Variants in SNRPE observed in about 807,000 individuals in gnomAD.
SNRPE encodes the protein small nuclear ribonucleoprotein polypeptide E.
For synonymous variants in SNRPE, 35 were observed against 36.7 expected, an observed-to-expected ratio of 0.95 and a Z score of 0.17; for missense variants, 53 against 111.6, an observed-to-expected ratio of 0.48 and a Z score of 2.36.
intron 4 of SNRPE, among the ~76,000 whole-genome samples, chr1:203,867,279 CAAAAAA>C (rs200904781): frequency 0.78 from 111,841 of 142,668 alleles, 42,480 homozygotes; most frequent in East Asian, 0.82. Flanking sequence ...GACTCTGTCT[CAAAAAA>C]AAAAAAAAAA....
At chr1:203,867,157 G>A (rs928724362) in intron 4 of SNRPE, among the ~76,000 whole-genome samples, 10 of 150,586 alleles carry the variant, frequency 6.6e-5, no homozygotes, top group African/African-American at 2.2e-4. Context: ...GCGGGTGCCT[G>A]TAGTTCCAGC....
intron 2 of SNRPE, 48 bp from the exon 3 acceptor site, chr1:203,863,615 G>A (rs541898407): frequency 4.2e-6 from 6 of 1,413,454 alleles, no homozygotes; most frequent in Admixed American, 3.4e-5. Flanking sequence ...CACCGCGCCC[G>A]GCCCTATTTT....
intron 4 of SNRPE, among the ~76,000 whole-genome samples, chr1:203,867,108 A>G (rs1392376580): frequency 7.2e-4 from 35 of 48,876 alleles, no homozygotes; most frequent in Middle Eastern, 0.01. Context: ...GTCTTTCCTG[A>G]AAAAAAAAAA....
intron 3 of SNRPE, 107 bp from the exon 4 acceptor site, chr1:203,864,934 G>A: frequency 1.0e-6 from 1 of 983,448 alleles, no homozygotes. Flanking sequence ...GGCTTGAGAA[G>A]AGTGAATCTT....
In SNRPE at chr1:203,862,016, G is replaced by A. The variant is rs1689987783; in HGVS notation, c.55-180G>A. 3.2e-6 allele frequency: 2 copies of A among 625,442 alleles called. 1 individual carries two copies. Among genetic ancestry groups the A allele is most frequent in the Non-Finnish European group, 5.8e-6 (2 of 345,332 alleles). The allele number at this position is 625,442 out of a possible 1,614,324, so 38.7% of individuals were successfully genotyped here. A position where few individuals can be genotyped will look rare whatever the true frequency, so the allele number is the denominator to read the frequency against. On this transcript the variant is annotated intron_variant, in intron 1 of 4. Transcript: ENST00000414487. ...AACTCCAGGGGGATGAAAGTGGAAT[G>A]GATGTTCTTTAGTCTTTAGAAGACC...
In SNRPE at chr1:203,870,731, C is replaced by T. The variant is rs1690198912; in HGVS notation, c.*799C>T. 6.6e-6 allele frequency among the ~76,000 whole-genome samples: 1 copy of T among 152,188 alleles called. No homozygotes were observed. The highest frequency in any genetic ancestry group is 2.1e-4 in the South Asian group (1 of 4,832). The stretch of plus-strand genomic sequence containing the variant: ...GGACAGGTTTCCCTTCCCCCAGTAT[C>T]GCACATGGTTCTAGTTAGAATCCTG... On this transcript the variant is annotated 3_prime_UTR_variant, in exon 5 of 5. Transcript: ENST00000414487.
chr1:203,868,448 C>T (rs1056627132), intron 4 of SNRPE, among the ~76,000 whole-genome samples: 5 of 152,136 alleles, frequency 3.3e-5, no homozygotes, highest in East Asian at 1.9e-4. Context: ...ATCCCATTCA[C>T]TTGAGGTTTA....
intron 4 of SNRPE, among the ~76,000 whole-genome samples, chr1:203,866,502 A>G (rs1690090792): frequency 6.6e-6 from 1 of 152,178 alleles, no homozygotes; most frequent in Non-Finnish European, 1.5e-5. Context: ...CACCATTTCT[A>G]CTTGAATGTT....
chr1:203,867,279 CAAAAA>C lies in SNRPE; in HGVS notation c.223+2173_223+2177del, dbSNP rs200904781. The stretch of plus-strand genomic sequence containing the variant: ...TGGGCGACACAGCGAGACTCTGTCT[CAAAAA>C]AAAAAAAAAAAACAGTGGTCCCCAA... On this transcript the variant is annotated intron_variant, in intron 4 of 4. Transcript: ENST00000414487. 4.9e-4 allele frequency among the ~76,000 whole-genome samples: 70 copies of C among 142,646 alleles called. No homozygotes were observed. The East Asian group carries it at 6.4e-3, about 13-fold the overall frequency. 93.6% of individuals were successfully genotyped at this position (142,646 alleles called of 152,430 possible).
chr1:203,863,848 G>T, intron 3 of SNRPE, 123 bp downstream of exon 3: 1 of 658,088 alleles, frequency 1.5e-6, no homozygotes, highest in Non-Finnish European at 2.7e-6. Context: ...TTTTTCAGGT[G>T]CTGCTGTTTA....
chr1:203,863,704 G>A lies in SNRPE; in HGVS notation c.123G>A (p.Met41Ile), dbSNP rs377146589. Residue 41 changes from methionine (M) to isoleucine (I), a missense_variant, in exon 3 of 5, where the codon ATG (methionine) becomes ATA (isoleucine). Coordinates refer to ENST00000414487, the MANE Select transcript of SNRPE (RefSeq NM_003094.4). ...TGTGGCTCTATGAGCAAGTGAATAT[G>A]CGGATAGAAGGCTGTATCATTGTGA... ...IQVWLYEQVN[M>I]RIEGCIIGFD... 2.0e-5 allele frequency: 32 copies of A among 1,605,110 alleles called. No homozygotes were observed. The African/African-American group carries it at 3.9e-4, about 19-fold the overall frequency.
At position 203,869,390 on chromosome 1, in the gene SNRPE, T is replaced by G. The variant is rs1015973028; in HGVS notation, c.224-487T>G. ...GGTGCCATCTTGGCTCACTGCAACC[T>G]CCGCCTCCCGGATTCAAGCAATTCT... On this transcript the variant is annotated intron_variant, in intron 4 of 4. Transcript: ENST00000414487. 1.2e-4 allele frequency among the ~76,000 whole-genome samples: 16 copies of G among 137,072 alleles called. 1 individual carries two copies. The highest frequency in any genetic ancestry group is 3.2e-4 in the African/African-American group (12 of 37,184). 89.9% of individuals were successfully genotyped at this position (137,072 alleles called of 152,430 possible). A position where few individuals can be genotyped will look rare whatever the true frequency, so the allele number is the denominator to read the frequency against.
intron 4 of SNRPE, among the ~76,000 whole-genome samples, chr1:203,868,962 C>G (rs114688037): frequency 6.6e-6 from 1 of 152,232 alleles, no homozygotes; most frequent in Admixed American, 6.5e-5. Flanking sequence ...AGCCACCATA[C>G]CCAGCCGGGT....
chr1:203,863,734 C>G lies in SNRPE; in HGVS notation c.144+9C>G, dbSNP rs981047542. ...TAGAAGGCTGTATCATTGTGAGTAT[C>G]CAGGCGATTTCATCTCATAGCAGTT... On this transcript the variant is annotated intron_variant, in intron 3 of 4. Coordinates refer to ENST00000414487, the MANE Select transcript of SNRPE (RefSeq NM_003094.4). 2 of 1,571,358 alleles carry G rather than the reference C, an allele frequency of 1.3e-6. No individual in the cohort carries two copies. Among genetic ancestry groups the G allele is most frequent in the Admixed American group, 1.7e-5 (1 of 59,858 alleles).
At chr1:203,864,967 C>T (rs1572404155) in intron 3 of SNRPE, 74 bp from the exon 4 acceptor site, 3 of 1,328,066 alleles carry the variant, frequency 2.3e-6, no homozygotes, top group Non-Finnish European at 9.9e-7. Flanking sequence ...GAGTTTTTAT[C>T]TGCATAGGTA....
Position 203,870,282 on chromosome 1 carries a change from G to T in SNRPE, c.*350G>T, listed in dbSNP as rs759731096. 1.1e-5 allele frequency: 2 copies of T among 185,028 alleles called. No individual in the cohort carries two copies. The highest frequency in any genetic ancestry group is 2.2e-5 in the Non-Finnish European group (2 of 90,226). 11.5% of individuals were successfully genotyped at this position (185,028 alleles called of 1,614,324 possible). A position where few individuals can be genotyped will look rare whatever the true frequency, so the allele number is the denominator to read the frequency against. On this transcript the variant is annotated 3_prime_UTR_variant, in exon 5 of 5. Coordinates refer to ENST00000414487, the MANE Select transcript of SNRPE (RefSeq NM_003094.4). ...CAGTATTGGGAGGTGGAGAAGGGGA[G>T]GGTTCAGAAAAATAAATAAGAGTTA...
In SNRPE at chr1:203,862,065, CTTG is replaced by C. The variant is rs375806406; in HGVS notation, c.55-125_55-123del. On this transcript the variant is annotated intron_variant, in intron 1 of 4. Transcript: ENST00000414487. ...CCCGTAACGAATGCCCAGCTGGGCA[CTTG>C]TTGTTTGCGTAAGCACCAGACCTCG... is the stretch of plus-strand genomic sequence containing the variant. The C allele has an allele frequency of 1.4e-3, 1,059 of 736,944 alleles. 6 individuals are homozygous for C. The highest frequency in any genetic ancestry group is 0.013 in the African/African-American group (738 of 57,172). The allele number at this position is 736,944 out of a possible 1,614,324, so 45.7% of individuals were successfully genotyped here.
At chr1:203,866,110 C>T (rs1333347802) in intron 4 of SNRPE, among the ~76,000 whole-genome samples, 4 of 152,238 alleles carry the variant, frequency 2.6e-5, no homozygotes, top group Non-Finnish European at 5.9e-5. Context: ...TCCGACATCA[C>T]TAATGCCTTG....
intron 4 of SNRPE, among the ~76,000 whole-genome samples, chr1:203,867,207 G>A (rs1393060148): frequency 1.3e-5 from 2 of 151,340 alleles, no homozygotes; most frequent in Non-Finnish European, 2.9e-5. Flanking sequence ...GCGAACCTGG[G>A]AGGCGGAGCT....
Sources: gnomAD v4.1 joint callset for allele counts (sites outside exome capture counted in the v4.1 genomes callset) on GRCh38, gnomAD v4.1.1 for gene constraint, MANE v1.5 for transcripts, NCBI Gene and HGNC (gene_info 2026-07-23, HGNC 2026-07-21) for gene names.